KIF9: variants seen among roughly 807,000 people sequenced by gnomAD.
KIF9 encodes kinesin family member 9.
In KIF9, 68 loss-of-function variants were observed where a neutral mutation model predicts 94.8. That is an observed-to-expected ratio of 0.72 (90% confidence interval 0.59 to 0.88). The LOEUF (loss-of-function observed/expected upper bound fraction) is 0.88. Ranked by LOEUF, KIF9 falls within the 40% of genes least tolerant of loss-of-function variation. The pLI, the probability that KIF9 is intolerant of heterozygous loss-of-function variation, is 0.00. For synonymous variants in KIF9, 343 were observed against 362.1 expected (o/e 0.95, Z 0.60); for missense variants, 882 against 982.5 (o/e 0.90, Z 1.37).
At position 47,275,522 on chromosome 3, in the gene KIF9, T is replaced by A. The variant is rs113509534; in HGVS notation, c.94-32A>T. 2.5e-5 allele frequency: 39 copies of A among 1,559,066 alleles called. No individual in the cohort carries two copies. The African/African-American group carries it at 4.4e-4, about 18-fold the overall frequency. The stretch of plus-strand genomic sequence containing the variant: ...AAAAAGAGTGAGAAAGAAAAAAATG[T>A]TATTTGTTCAAAAATGGGTATAAAA... On this transcript the variant is annotated intron_variant, in intron 2 of 20. Coordinates refer to ENST00000684063, the MANE Select transcript of KIF9 (RefSeq NM_182902.4).
At chr3:47,269,406 C>G (rs1701496253) in intron 5 of KIF9, among the ~76,000 whole-genome samples, 1 of 151,972 alleles carries the variant, frequency 6.6e-6, no homozygotes, top group African/African-American at 2.4e-5. Flanking sequence ...CTCAGCTTCC[C>G]AAGCAGCTGG....
In KIF9 at chr3:47,240,965, T is replaced by G. The variant is rs368369027; in HGVS notation, c.1760A>C (p.Glu587Ala). The stretch of plus-strand genomic sequence containing the variant: ...AATTCGGTTGATCTCACTACCTTGC[T>G]CATTCTTAAACTCCTCAAAGGCCAC... ...KPVAFEEFKN[E>A]QGSEINRIFK... is the part of the protein sequence containing the mutation. Residue 587 changes from glutamate to alanine, a missense_variant, in exon 17 of 21, where the codon GAG becomes GCG. Coordinates refer to ENST00000684063, the MANE Select transcript of KIF9 (RefSeq NM_182902.4). The G allele has an allele frequency of 7.2e-5, 116 of 1,614,204 alleles. 2 individuals carry two copies. In the East Asian group the frequency reaches 1.1e-3, roughly 15 times the overall value.
intron 20 of KIF9, among the ~76,000 whole-genome samples, chr3:47,233,068 G>A (rs997358736): frequency 6.6e-6 from 1 of 150,976 alleles, no homozygotes; most frequent in African/African-American, 2.4e-5. Context: ...ATCACAAAGA[G>A]CTAATTTCTT....
chr3:47,244,684 A>G, intron 15 of KIF9, 107 bp downstream of exon 15: 1 of 1,405,620 alleles, frequency 7.1e-7, no homozygotes, highest in Non-Finnish European at 9.9e-7. Flanking sequence ...CATTGTGCCA[A>G]CCCAGTAGCT....
At chr3:47,261,030 T>C (rs1436392956) in intron 9 of KIF9, among the ~76,000 whole-genome samples, 1 of 152,162 alleles carries the variant, frequency 6.6e-6, no homozygotes, top group African/African-American at 2.4e-5. Flanking sequence ...AATCAGTTTC[T>C]CAGGTAAGGC....
intron 1 of KIF9, among the ~76,000 whole-genome samples, chr3:47,278,949 G>A (rs1702144987): frequency 6.6e-6 from 1 of 151,894 alleles, no homozygotes; most frequent in South Asian, 2.1e-4. Flanking sequence ...TTCAGCCTGG[G>A]CGACAGAGAG....
Position 47,260,935 on chromosome 3 carries a change from A to AG in KIF9, c.981+3350dup, listed in dbSNP as rs890933520. Among the ~76,000 whole-genome samples the AG allele has an allele frequency of 1.1e-4, 17 of 152,332 alleles. 1 individual carries two copies. The Middle Eastern group carries it at 0.01, about 91-fold the overall frequency. On this transcript the variant is annotated intron_variant, in intron 9 of 20. Coordinates refer to ENST00000684063, the MANE Select transcript of KIF9 (RefSeq NM_182902.4). ...CCAGGTCAACATCTCAGGTGGACTG[A>AG]GACAATGACAGGGTGCTCTGGGAGG...
At chr3:47,238,829 AT>A (rs1198277274) in intron 17 of KIF9, among the ~76,000 whole-genome samples, 4 of 152,036 alleles carry the variant, frequency 2.6e-5, no homozygotes, top group African/African-American at 9.6e-5. Context: ...CGCCCGGATA[AT>A]TTTTTTGTAT....
intron 17 of KIF9, chr3:47,238,262 G>A (rs1699186458): frequency 6.6e-6 from 1 of 152,172 alleles, no homozygotes; most frequent in South Asian, 2.1e-4. Context: ...ATGTCGCCAA[G>A]GCTAAAGTGC....
At position 47,273,733 on chromosome 3, in the gene KIF9, T is replaced by C. The variant is rs981607760; in HGVS notation, c.260-75A>G. ...TAACTCTCCCCTCTCCCAGCATGCC[T>C]GGTGCCAGCCAGGGCCCTTTGCATG... is the stretch of plus-strand genomic sequence containing the variant. On this transcript the variant is annotated intron_variant, in intron 3 of 20. Transcript: ENST00000684063. The C allele has an allele frequency of 4.5e-6, 6 of 1,325,780 alleles. No individual in the cohort carries two copies. In the East Asian group the frequency reaches 1.5e-4, roughly 33 times the overall value. 82.1% of individuals were successfully genotyped at this position (1,325,780 alleles called of 1,614,324 possible).
chr3:47,261,203 C>T (rs1167336218), intron 9 of KIF9, among the ~76,000 whole-genome samples: 1 of 152,128 alleles, frequency 6.6e-6, no homozygotes, highest in African/African-American at 2.4e-5. Flanking sequence ...TGGCCCATTG[C>T]TTGTGAATAG....
At chr3:47,261,101 C>T (rs1392808377) in intron 9 of KIF9, among the ~76,000 whole-genome samples, 3 of 152,206 alleles carry the variant, frequency 2.0e-5, no homozygotes, top group Admixed American at 6.5e-5. Context: ...TTGGAATGTT[C>T]GTTAGCCTTT....
intron 10 of KIF9, chr3:47,250,511 C>CT (rs948817588): frequency 1.2e-3 from 510 of 428,340 alleles, no homozygotes; most frequent in South Asian, 1.7e-3. Context: ...ATAAATGATA[C>CT]TTTTTTTTTC....
At chr3:47,273,696 T>C (rs758348840) in intron 3 of KIF9, 38 bp from the exon 4 acceptor site, 11 of 1,556,826 alleles carry the variant, frequency 7.1e-6, no homozygotes, top group African/African-American at 5.4e-5. Flanking sequence ...TCCAGGAAAA[T>C]AGCTCCAAGG....
At chr3:47,274,208 T>C (rs1038030517) in intron 3 of KIF9, among the ~76,000 whole-genome samples, 4 of 152,110 alleles carry the variant, frequency 2.6e-5, no homozygotes, top group African/African-American at 9.7e-5. Context: ...TCCTAGTTGG[T>C]TCCATGTCAC....
intron 10 of KIF9, among the ~76,000 whole-genome samples, chr3:47,254,007 G>A (rs1032258451): frequency 5.9e-5 from 9 of 152,218 alleles, no homozygotes; most frequent in African/African-American, 2.2e-4. Flanking sequence ...CTCTGTAGAA[G>A]GGAGAGGAGT....
intron 20 of KIF9, among the ~76,000 whole-genome samples, chr3:47,234,856 A>AT (rs1162722552): frequency 6.6e-6 from 1 of 152,196 alleles, no homozygotes; most frequent in African/African-American, 2.4e-5. Flanking sequence ...GTGCCCAGCC[A>AT]TATACTTTCA....
chr3:47,262,593 A>G (rs1701050891), intron 9 of KIF9, among the ~76,000 whole-genome samples: 1 of 152,138 alleles, frequency 6.6e-6, no homozygotes, highest in African/African-American at 2.4e-5. Context: ...ATTTTATGCC[A>G]TGAGACCAAG....
intron 10 of KIF9, among the ~76,000 whole-genome samples, chr3:47,254,241 T>G (rs1270442694): frequency 6.6e-6 from 1 of 152,194 alleles, no homozygotes; most frequent in Admixed American, 6.5e-5. Context: ...GCAGATCACC[T>G]GAGGTCAGGA....
Sources: gnomAD v4.1 joint callset for allele counts (sites outside exome capture counted in the v4.1 genomes callset) on GRCh38, gnomAD v4.1.1 for gene constraint, MANE v1.5 for transcripts, NCBI Gene and HGNC (gene_info 2026-07-23, HGNC 2026-07-21) for gene names.